GPC5: variants seen among roughly 807,000 people sequenced by gnomAD.
The protein encoded by GPC5 is glypican 5.
A neutral mutation model predicts 53.9 loss-of-function variants in GPC5; 47 were observed. The observed-to-expected ratio is 0.87, with a 90% CI of 0.69 to 1.11. The LOEUF is 1.11. Among genes scored for constraint, GPC5 ranks in the 50% most tolerant of loss-of-function variants. The pLI is 0.00. For synonymous variants in GPC5, 286 were observed against 263.3 expected (o/e 1.09, Z -0.84); for missense variants, 748 against 713.1 (o/e 1.05, Z -0.56).
At chr13:92,088,514 C>T (rs1350547888) in intron 6 of GPC5, among the ~76,000 whole-genome samples, 2 of 152,104 alleles carry the variant, frequency 1.3e-5, no homozygotes, top group Non-Finnish European at 2.9e-5. Context: ...CTTAGGGGCC[C>T]CAAGTCCCCT....
chr13:92,237,339 C>A (rs567296860), intron 7 of GPC5, among the ~76,000 whole-genome samples: 1 of 152,098 alleles, frequency 6.6e-6, no homozygotes, highest in Non-Finnish European at 1.5e-5. Context: ...CTTGCCTCAA[C>A]CTCCTGAGTA....
chr13:92,224,978 C>T (rs1198166963), intron 7 of GPC5, among the ~76,000 whole-genome samples: 1 of 152,180 alleles, frequency 6.6e-6, no homozygotes, highest in Non-Finnish European at 1.5e-5. Context: ...TGGAGGCAGT[C>T]TTGGGACCCA....
intron 2 of GPC5, among the ~76,000 whole-genome samples, chr13:91,607,941 A>G (rs2033425772): frequency 2.6e-5 from 4 of 152,158 alleles, no homozygotes; most frequent in East Asian, 1.9e-4. Flanking sequence ...AGTAATGGTG[A>G]TTTTCTGAGA....
At chr13:92,206,160 TTTTTTTA>T (rs2042334474) in intron 7 of GPC5, among the ~76,000 whole-genome samples, 7 of 50,074 alleles carry the variant, frequency 1.4e-4, no homozygotes, top group African/African-American at 8.7e-4. Context: ...TTTTTATTTT[TTTTTTTA>T]TTTTTTTTTT....
chr13:91,578,595 C>T (rs1279863458), intron 2 of GPC5, among the ~76,000 whole-genome samples: 1 of 151,934 alleles, frequency 6.6e-6, no homozygotes, highest in Non-Finnish European at 1.5e-5. Context: ...CATCTATAAT[C>T]GCCTTTCATT....
intron 6 of GPC5, among the ~76,000 whole-genome samples, chr13:91,964,228 G>A (rs1002851802): frequency 5.3e-5 from 8 of 152,182 alleles, no homozygotes; most frequent in African/African-American, 1.9e-4. Flanking sequence ...CCCAAAGAGT[G>A]AGCAGCAGCA....
At chr13:91,402,192 A>G (rs1006667204) in intron 1 of GPC5, among the ~76,000 whole-genome samples, 3 of 152,162 alleles carry the variant, frequency 2.0e-5, no homozygotes, top group Non-Finnish European at 4.4e-5. Flanking sequence ...TATACCAACT[A>G]TTTTTTGAAA....
chr13:92,535,962 T>C (rs1881710360), intron 7 of GPC5, among the ~76,000 whole-genome samples: 2 of 152,060 alleles, frequency 1.3e-5, no homozygotes, highest in Admixed American at 1.3e-4. Context: ...GAAAAACTGT[T>C]TGCAAAAATT....
chr13:91,981,757 T>C (rs2040361888), intron 6 of GPC5, among the ~76,000 whole-genome samples: 2 of 152,208 alleles, frequency 1.3e-5, no homozygotes, highest in Non-Finnish European at 2.9e-5. Flanking sequence ...GTAACCAAGA[T>C]GTTAATAATA....
chr13:92,201,546 A>T (rs1028124251), intron 7 of GPC5, among the ~76,000 whole-genome samples: 3 of 152,208 alleles, frequency 2.0e-5, no homozygotes. Context: ...TGAAGCAAAT[A>T]TTTAGCATCT....
chr13:91,717,347 T>C (rs1013480482), intron 3 of GPC5, among the ~76,000 whole-genome samples: 3 of 152,158 alleles, frequency 2.0e-5, no homozygotes, highest in Admixed American at 1.3e-4. Context: ...TCAGAGCAGT[T>C]TGATCAGAAC....
intron 7 of GPC5, among the ~76,000 whole-genome samples, chr13:92,355,869 C>A (rs1468102740): frequency 6.8e-6 from 1 of 146,030 alleles, no homozygotes; most frequent in African/African-American, 2.6e-5. Flanking sequence ...ATCTATCATT[C>A]ATTGACCCTA....
At chr13:91,730,735 C>G (rs1566644399) in intron 4 of GPC5, among the ~76,000 whole-genome samples, 1 of 152,156 alleles carries the variant, frequency 6.6e-6, no homozygotes, top group Non-Finnish European at 1.5e-5. Flanking sequence ...TTGGGCTATT[C>G]TGTAAATGGG....
At chr13:91,832,511 T>C (rs1042416808) in intron 5 of GPC5, among the ~76,000 whole-genome samples, 3 of 152,020 alleles carry the variant, frequency 2.0e-5, no homozygotes, top group African/African-American at 7.2e-5. Context: ...GTGAATTTGA[T>C]CCTGTCATTA....
intron 6 of GPC5, among the ~76,000 whole-genome samples, chr13:92,095,880 A>C (rs1566432972): frequency 6.6e-6 from 1 of 152,008 alleles, no homozygotes; most frequent in Non-Finnish European, 1.5e-5. Flanking sequence ...TATTCACAGA[A>C]CTCTCCCATA....
At chr13:91,600,795 G>A (rs1319402927) in intron 2 of GPC5, among the ~76,000 whole-genome samples, 1 of 151,964 alleles carries the variant, frequency 6.6e-6, no homozygotes, top group Admixed American at 6.6e-5. Flanking sequence ...TTTTGTGTCT[G>A]TTATCTATTT....
At chr13:91,559,349 C>T (rs1434258415) in intron 2 of GPC5, among the ~76,000 whole-genome samples, 1 of 152,104 alleles carries the variant, frequency 6.6e-6, no homozygotes, top group Non-Finnish European at 1.5e-5. Flanking sequence ...GGAGTGCTTA[C>T]TGAATGAAAA....
At chr13:91,683,459 G>T (rs2035553385) in intron 2 of GPC5, among the ~76,000 whole-genome samples, 2 of 152,266 alleles carry the variant, frequency 1.3e-5, no homozygotes, top group Admixed American at 1.3e-4. Context: ...ATCCTCTTTT[G>T]TTGGGGATGC....
chr13:92,579,371 G>C (rs1337061332), intron 7 of GPC5, among the ~76,000 whole-genome samples: 13 of 146,262 alleles, frequency 8.9e-5, no homozygotes, highest in African/African-American at 3.0e-4. Flanking sequence ...TGATGTAGTA[G>C]TAGTCTTGAT....
Sources: allele counts gnomAD v4.1 joint callset (sites outside exome capture counted in the v4.1 genomes callset), GRCh38; gene constraint gnomAD v4.1.1; transcripts MANE v1.5; gene names NCBI Gene and HGNC (gene_info 2026-07-23, HGNC 2026-07-21).